TRAPPC9: variants seen among roughly 807,000 people sequenced by gnomAD.
TRAPPC9 encodes the protein IKK2 binding protein.
TRAPPC9 carries 83 observed loss-of-function variants against 124.0 expected under a neutral mutation model. The observed-to-expected ratio is 0.67, with a 90% CI of 0.56 to 0.80. The LOEUF is 0.80. Among genes scored for constraint, TRAPPC9 ranks in the 30% least tolerant of loss-of-function variants. The probability of loss-of-function intolerance (pLI) is 0.00; values close to 1 mark genes in which losing one functional copy is unlikely to be tolerated. For synonymous variants in TRAPPC9, 638 were observed against 617.5 expected (o/e 1.03, Z -0.49); for missense variants, 1,302 against 1,508.3 (o/e 0.86, Z 2.27).
intron 18 of TRAPPC9, among the ~76,000 whole-genome samples, chr8:140,019,661 TC>T (rs1292876586): frequency 6.8e-6 from 1 of 147,254 alleles, no homozygotes; most frequent in Non-Finnish European, 1.5e-5. Flanking sequence ...CAAGCGATTC[TC>T]ATGCCTCAGC....
chr8:140,263,834 T>TC (rs2064517614), intron 15 of TRAPPC9, among the ~76,000 whole-genome samples: 2 of 152,146 alleles, frequency 1.3e-5, no homozygotes, highest in Admixed American at 6.5e-5. Flanking sequence ...CCTAGAGGCT[T>TC]CCGACTAGTC....
At chr8:139,956,664 C>T (rs1054017565) in intron 19 of TRAPPC9, among the ~76,000 whole-genome samples, 25 of 152,008 alleles carry the variant, frequency 1.6e-4, no homozygotes, top group Admixed American at 6.5e-5. Flanking sequence ...AACAGCACTG[C>T]TCAGCTCAGC....
chr8:139,807,822 A>G (rs1824174486), intron 21 of TRAPPC9, among the ~76,000 whole-genome samples: 1 of 152,200 alleles, frequency 6.6e-6, no homozygotes, highest in South Asian at 2.1e-4. Context: ...AAAAATATGA[A>G]AAATGAAGCT....
chr8:140,212,162 G>A (rs1336950566), intron 17 of TRAPPC9, among the ~76,000 whole-genome samples: 2 of 152,244 alleles, frequency 1.3e-5, no homozygotes, highest in Non-Finnish European at 2.9e-5. Flanking sequence ...GTAAGCAGAT[G>A]CGGATGGCTG....
intron 15 of TRAPPC9, among the ~76,000 whole-genome samples, chr8:140,263,368 C>T (rs1326344347): frequency 6.6e-6 from 1 of 152,022 alleles, no homozygotes. Flanking sequence ...ACACCTGAAG[C>T]ACAGTGGGTA....
At chr8:140,204,586 A>C (rs1322303057) in intron 17 of TRAPPC9, among the ~76,000 whole-genome samples, 1 of 152,084 alleles carries the variant, frequency 6.6e-6, no homozygotes. Context: ...ACAAACCTGC[A>C]CATTGTGCAC....
Position 140,451,330 on chromosome 8 carries a change from G to A in TRAPPC9, c.44C>T (p.Thr15Met), listed in dbSNP as rs142839408. 2.1e-4 allele frequency: 332 copies of A among 1,606,662 alleles called. No individual in the cohort carries two copies. Among genetic ancestry groups the A allele is most frequent in the African/African-American group, 9.2e-4 (69 of 75,050 alleles). The change falls in exon 2 of 23, where the codon ACG (threonine) becomes ATG (methionine). Residue 15 changes from threonine to methionine, a missense_variant. Thr to Met is a moderately conservative substitution (Grantham distance 81, BLOSUM62 -1). Around this residue, in one of 3 missense-constraint regions of TRAPPC9, gnomAD observed 657 missense variants for 811.2 expected, o/e 0.81. Transcript: ENST00000438773. The stretch of plus-strand genomic sequence containing the variant: ...CACAGGCTGGACCACCACGAGCAGC[G>A]TCTGGTGGTCCTCAGCACACTGCAT... Reference protein sequence around the residue: ...DYMQCAEDHQTLLVVVQPVGI... With the variant: ...DYMQCAEDHQMLLVVVQPVGI...
In TRAPPC9 at chr8:139,860,759, G is replaced by A. The variant is rs140173422; in HGVS notation, c.3055+25120C>T. Among the ~76,000 whole-genome samples, 884 of 152,334 alleles carry A rather than the reference G, an allele frequency of 5.8e-3. 10 individuals are homozygous for A. The highest frequency in any genetic ancestry group is 0.02 in the African/African-American group (839 of 41,572). On this transcript the variant is annotated intron_variant, in intron 21 of 22. Coordinates refer to ENST00000438773, the MANE Select transcript of TRAPPC9 (RefSeq NM_001160372.4). ...TAAGCACAGACCAATGCCTGTCGCCGTCCGTGGGCCCTCACATGGAGGGCA... is the reference window on the plus strand; with the variant it reads ...TAAGCACAGACCAATGCCTGTCGCCATCCGTGGGCCCTCACATGGAGGGCA...
At chr8:140,058,352 T>C (rs1446884673) in intron 17 of TRAPPC9, among the ~76,000 whole-genome samples, 2 of 152,144 alleles carry the variant, frequency 1.3e-5, no homozygotes, top group East Asian at 3.9e-4. Context: ...ACTGGCGAAA[T>C]TTCCTCCATT....
intron 18 of TRAPPC9, among the ~76,000 whole-genome samples, chr8:140,018,334 T>TTTTTTTTTTTTA (rs1839614372): frequency 8.9e-6 from 1 of 112,038 alleles, no homozygotes; most frequent in Admixed American, 9.2e-5. Flanking sequence ...ATTTTTTTTT[T>TTTTTTTTTTTTA]TTTTTTTGAG....
chr8:140,227,541 G>A (rs1042693733), intron 16 of TRAPPC9, among the ~76,000 whole-genome samples: 1 of 152,188 alleles, frequency 6.6e-6, no homozygotes, highest in Non-Finnish European at 1.5e-5. Context: ...TTTCTATTAA[G>A]AGCAACTCTG....
intron 17 of TRAPPC9, among the ~76,000 whole-genome samples, chr8:140,140,498 T>C (rs768778014): frequency 6.6e-6 from 1 of 152,188 alleles, no homozygotes; most frequent in Non-Finnish European, 1.5e-5. Context: ...TTATCTGGCA[T>C]TGAACAAGAG....
At chr8:140,158,958 C>T (rs1169434288) in intron 17 of TRAPPC9, among the ~76,000 whole-genome samples, 1 of 152,248 alleles carries the variant, frequency 6.6e-6, no homozygotes, top group African/African-American at 2.4e-5. Flanking sequence ...CATCATCCAT[C>T]AGCTACTGGA....
intron 9 of TRAPPC9, among the ~76,000 whole-genome samples, chr8:140,357,060 T>A (rs1048855193): frequency 1.3e-5 from 2 of 152,116 alleles, no homozygotes; most frequent in African/African-American, 4.8e-5. Flanking sequence ...CAGCTCCAGG[T>A]AGACAGCAGG....
intron 19 of TRAPPC9, among the ~76,000 whole-genome samples, chr8:139,973,619 G>A (rs891923889): frequency 1.3e-5 from 2 of 152,206 alleles, no homozygotes; most frequent in African/African-American, 4.8e-5. Flanking sequence ...GGAAAACGAC[G>A]AATGAACAAA....
intron 18 of TRAPPC9, among the ~76,000 whole-genome samples, chr8:140,004,078 G>C (rs1001432112): frequency 6.6e-6 from 1 of 152,074 alleles, no homozygotes; most frequent in African/African-American, 2.4e-5. Context: ...CAGAATCAAA[G>C]AAGCCACTCC....
Position 140,371,197 on chromosome 8 carries a change from A to C in TRAPPC9, c.1135-17T>G. 1 of 1,596,302 alleles carries C rather than the reference A, an allele frequency of 6.3e-7. No homozygotes were observed. On this transcript the variant is annotated splice_polypyrimidine_tract_variant and intron_variant, in intron 7 of 22. Coordinates refer to ENST00000438773, the MANE Select transcript of TRAPPC9 (RefSeq NM_001160372.4). ...CTCAGAAAGCTGAAGCACAGAGAGAAAGTAAAAAGCTTTTGAAAGAAACGT... is the reference window on the plus strand; with the variant it reads ...CTCAGAAAGCTGAAGCACAGAGAGACAGTAAAAAGCTTTTGAAAGAAACGT...
chr8:140,239,205 C>T (rs1669188891), intron 16 of TRAPPC9, among the ~76,000 whole-genome samples: 1 of 152,180 alleles, frequency 6.6e-6, no homozygotes, highest in Admixed American at 6.5e-5. Context: ...CCAGACGCAC[C>T]ACCCTCAGCC....
chr8:140,134,708 T>C (rs1478574706), intron 17 of TRAPPC9, among the ~76,000 whole-genome samples: 1 of 152,178 alleles, frequency 6.6e-6, no homozygotes, highest in Non-Finnish European at 1.5e-5. Flanking sequence ...CAGTATCAGT[T>C]TCCTAAATGT....
Sources: gnomAD v4.1 joint callset for allele counts (sites outside exome capture counted in the v4.1 genomes callset) on GRCh38, gnomAD v4.1.1 for gene constraint, gnomAD v4.1.1 regional missense constraint, MANE v1.5 for transcripts, NCBI Gene and HGNC (gene_info 2026-07-23, HGNC 2026-07-21) for gene names.